TCOF1: variants seen among roughly 807,000 people sequenced by gnomAD.
The protein encoded by TCOF1 is treacle ribosome biogenesis factor 1.
Under a neutral mutation model 149.0 loss-of-function variants are expected in TCOF1, and 33 were observed. That is an observed-to-expected ratio of 0.22 (90% CI 0.17 to 0.30). The LOEUF (loss-of-function observed/expected upper bound fraction) is 0.30. Ranked by LOEUF, TCOF1 falls within the 10% of genes least tolerant of loss-of-function variation. The probability of loss-of-function intolerance (pLI) is 1.00; values close to 1 mark genes in which losing one functional copy is unlikely to be tolerated. For missense variants in TCOF1, 1,728 were observed against 1,840.7 expected, an observed-to-expected ratio of 0.94 and a Z score of 1.12; for synonymous variants, 789 against 738.8, an observed-to-expected ratio of 1.07 and a Z score of -1.10.
rs372835837 is a variant in TCOF1 at position 150,374,820 on chromosome 5, G to A, written c.1278+9G>A. On this transcript the variant is annotated intron_variant, in intron 9 of 26. Transcript: ENST00000643257. ...AGGAGGCGCCTGCTCAGGTGAGGCA[G>A]AGGGGAGGGGTGGAGAGTAGCCCCA... 21 of 1,605,954 alleles carry A rather than the reference G, an allele frequency of 1.3e-5. No homozygotes were observed. Among genetic ancestry groups the A allele is most frequent in the Non-Finnish European group, 3.4e-6 (4 of 1,176,350 alleles).
At chr5:150,371,963 CAG>C (rs750847761) in intron 6 of TCOF1, 41 bp from the exon 7 acceptor site, 37 of 1,560,378 alleles carry the variant, frequency 2.4e-5, no homozygotes, top group Admixed American at 6.7e-5. Context: ...TAGGGGGAAA[CAG>C]TAATTATTAT....
chr5:150,388,212 A>G (rs1275463413), intron 18 of TCOF1, 124 bp downstream of exon 18: 8 of 1,320,504 alleles, frequency 6.1e-6, no homozygotes, highest in East Asian at 2.5e-5. Flanking sequence ...GCTTGGGGTC[A>G]GGTCTCTGGG....
chr5:150,366,664 T>C (rs1409534671), intron 3 of TCOF1, among the ~76,000 whole-genome samples: 1 of 21,410 alleles, frequency 4.7e-5, no homozygotes, highest in Non-Finnish European at 9.4e-5. Flanking sequence ...TTTTTTTTTT[T>C]TGAGACGGAG....
chr5:150,376,682 T>G, intron 14 of TCOF1, 62 bp downstream of exon 14: 3 of 1,505,572 alleles, frequency 2.0e-6, no homozygotes, highest in Non-Finnish European at 2.7e-6. Context: ...GGGCTGAGGA[T>G]GGGCTTGACT....
chr5:150,364,082 G>A (rs1408911125), intron 2 of TCOF1, 31 bp from the exon 3 acceptor site: 1 of 1,613,872 alleles, frequency 6.2e-7, no homozygotes, highest in South Asian at 1.1e-5. Context: ...CTGTCACCCA[G>A]TTGGTATAGA....
chr5:150,378,800 G>A lies in TCOF1; in HGVS notation c.2341-105G>A, dbSNP rs1408579225. On this transcript the variant is annotated intron_variant, in intron 14 of 26. Transcript: ENST00000643257. ...AGGTTCACACGCCTATTGCATGGAG[G>A]AGCCAGAATCCAGACTCGGGCTCCA... The A allele has an allele frequency of 4.5e-6, 7 of 1,546,246 alleles. No homozygotes were observed. The African/African-American group carries it at 9.5e-5, about 21-fold the overall frequency.
rs1347594037 is a variant in TCOF1, at chr5:150,398,403, C to T, written c.4395C>T (p.Ala1465=). ...KKEKKKKAKK[A]STKDSESPSQ... ...AAAAGAAGAAGAAAGCAAAAAAGGCCTCAACCAAAGATTCTGAGTCACCGT... is the reference window on the plus strand; with the variant it reads ...AAAAGAAGAAGAAAGCAAAAAAGGCTTCAACCAAAGATTCTGAGTCACCGT... Residue 1465 remains alanine, a synonymous_variant, in exon 25 of 27, where the codon GCC becomes GCT. Transcript: ENST00000643257. 3.1e-6 allele frequency: 5 copies of T among 1,613,922 alleles called. No homozygotes were observed. The African/African-American group carries it at 4.0e-5, about 13-fold the overall frequency.
At chr5:150,390,584 A>G (rs1223095706) in intron 19 of TCOF1, among the ~76,000 whole-genome samples, 1 of 151,668 alleles carries the variant, frequency 6.6e-6, no homozygotes, top group Non-Finnish European at 1.5e-5. Flanking sequence ...TCTTTGGGCC[A>G]TATCAGTCTG....
rs545045097 is a variant in TCOF1 at position 150,372,653 on chromosome 5, G to C, written c.870+417G>C. ...TGGGTGTATCCCAAGGGCAAGACAGGGGGGCTGGAAAGCAATGGAAGTCAG... is the reference window on the plus strand; with the variant it reads ...TGGGTGTATCCCAAGGGCAAGACAGCGGGGCTGGAAAGCAATGGAAGTCAG... On this transcript the variant is annotated intron_variant, in intron 7 of 26. Coordinates refer to ENST00000643257, the MANE Select transcript of TCOF1 (RefSeq NM_001371623.1). Among the ~76,000 whole-genome samples, 156 of 152,332 alleles carry C rather than the reference G, an allele frequency of 1.0e-3. 1 individual carries two copies. Among genetic ancestry groups the C allele is most frequent in the Admixed American group, 2.4e-3 (37 of 15,310 alleles).
rs891652488 is a variant in TCOF1, at chr5:150,399,059, C to T, written c.*11C>T. 1.4e-5 allele frequency: 23 copies of T among 1,614,150 alleles called. No individual in the cohort carries two copies. Among genetic ancestry groups the T allele is most frequent in the Non-Finnish European group, 1.8e-5 (21 of 1,180,058 alleles). Reference sequence around the variant, plus strand: ...GAGCAGACTGTATGACGAGCACCAGCACCAGGCACAGGTACGCTTCCCAAT... The same window carrying T: ...GAGCAGACTGTATGACGAGCACCAGTACCAGGCACAGGTACGCTTCCCAAT... On this transcript the variant is annotated 3_prime_UTR_variant, in exon 26 of 27. Transcript: ENST00000643257.
intron 14 of TCOF1, 80 bp from the exon 15 acceptor site, chr5:150,378,825 A>C: frequency 6.2e-7 from 1 of 1,602,948 alleles, no homozygotes; most frequent in Non-Finnish European, 8.5e-7. Context: ...CTCGGGCTCC[A>C]GCTCCAGAGT....
At position 150,359,240 on chromosome 5, in the gene TCOF1, G is replaced by A. The variant is rs1016154748; in HGVS notation, c.108+1386G>A. ...CATGCACCTGTAGTCCCAGTTACTC[G>A]GGAGGCTGAGTCAGGAGAATCACTT... On this transcript the variant is annotated intron_variant, in intron 1 of 26. Transcript: ENST00000643257. Among the ~76,000 whole-genome samples, 4 of 151,388 alleles carry A rather than the reference G, an allele frequency of 2.6e-5. No individual in the cohort carries two copies. In the South Asian group the frequency reaches 6.3e-4, roughly 24 times the overall value.
At chr5:150,376,718 G>A in intron 14 of TCOF1, 98 bp downstream of exon 14, 2 of 1,292,994 alleles carry the variant, frequency 1.5e-6, no homozygotes, top group Admixed American at 2.0e-5. Flanking sequence ...CTGCAGGTGT[G>A]CAGAAGCCTC....
At chr5:150,378,496 C>T (rs1764316359) in intron 14 of TCOF1, 2 of 258,632 alleles carry the variant, frequency 7.7e-6, no homozygotes, top group Non-Finnish European at 1.5e-5. Flanking sequence ...TGTTTCTGAC[C>T]TTTTATGGCA....
chr5:150,371,783 G>A lies in TCOF1; in HGVS notation c.640-223G>A, dbSNP rs2255796. On this transcript the variant is annotated intron_variant, in intron 6 of 26. Transcript: ENST00000643257. ...CAAAGTCAGACAGTCCAGGGTTCCA[G>A]TGGGGCTCTGTCCCTTCATATTGAT... is the stretch of plus-strand genomic sequence containing the variant. 0.4 allele frequency among the ~76,000 whole-genome samples: 60,762 copies of A among 152,018 alleles called. 12,357 individuals carry two copies. The highest frequency in any genetic ancestry group is 0.51 in the Middle Eastern group (151 of 294).
At chr5:150,367,027 T>C (rs1226057365) in intron 3 of TCOF1, among the ~76,000 whole-genome samples, 7 of 151,090 alleles carry the variant, frequency 4.6e-5, no homozygotes, top group African/African-American at 1.7e-4. Context: ...ACTGAGAAGC[T>C]GGGTGCGGTG....
rs745595253 is a variant in TCOF1, at chr5:150,400,159, C to G, written c.*372C>G. 1 of 152,214 alleles carries G rather than the reference C, an allele frequency of 6.6e-6. No individual in the cohort carries two copies. Among genetic ancestry groups the G allele is most frequent in the Non-Finnish European group, 1.5e-5 (1 of 68,038 alleles). 9.4% of individuals were successfully genotyped at this position (152,214 alleles called of 1,614,324 possible). A position where few individuals can be genotyped will look rare whatever the true frequency, so the allele number is the denominator to read the frequency against. ...CTCCACAGATCCAGCTAGGCCTGAC[C>G]TGTGCCTCATCCCGTGCCGCTCGGT... On this transcript the variant is annotated 3_prime_UTR_variant, in exon 27 of 27. Coordinates refer to ENST00000643257, the MANE Select transcript of TCOF1 (RefSeq NM_001371623.1).
In TCOF1 at chr5:150,368,717, C is replaced by T; in HGVS notation, c.380C>T (p.Ala127Val). 1 of 1,613,946 alleles carries T rather than the reference C, an allele frequency of 6.2e-7. No individual in the cohort carries two copies. The highest frequency in any genetic ancestry group is 8.5e-7 in the Non-Finnish European group (1 of 1,179,970). ...GTCTGTCACTCTTGTTCTCTGTAGG[C>T]AGAGACAGAGAAAGCTGGCAAGACT... Reference protein sequence around the residue: ...LPSSMKEKAKAETEKAGKTGN... With the variant: ...LPSSMKEKAKVETEKAGKTGN... The change falls in exon 5 of 27, where the codon GCA (alanine) becomes GTA (valine). Residue 127 changes from alanine (A) to valine (V), a missense_variant and splice_region_variant. This residue lies in a region of TCOF1 where 1,696 missense variants were observed against 1,765.4 expected (regional missense o/e 0.96). Coordinates refer to ENST00000643257, the MANE Select transcript of TCOF1 (RefSeq NM_001371623.1).
intron 6 of TCOF1, among the ~76,000 whole-genome samples, chr5:150,370,078 G>T (rs979726595): frequency 6.6e-6 from 1 of 152,172 alleles, no homozygotes; most frequent in Non-Finnish European, 1.5e-5. Flanking sequence ...CAGGACTCTT[G>T]GGTTTGTGAA....
Sources: gnomAD v4.1 joint callset for allele counts (sites outside exome capture counted in the v4.1 genomes callset) on GRCh38, gnomAD v4.1.1 for gene constraint, gnomAD v4.1.1 regional missense constraint, MANE v1.5 for transcripts, NCBI Gene and HGNC (gene_info 2026-07-23, HGNC 2026-07-21) for gene names.